The following ATPAF2 variants were observed in gnomAD, a reference collection of about 807,000 sequenced individuals.
ATPAF2 encodes the protein ATP12 homolog.
A neutral mutation model predicts 36.6 loss-of-function variants in ATPAF2; 30 were observed. The observed-to-expected ratio is 0.82, with a 90% CI of 0.61 to 1.11. The LOEUF is 1.11. Among genes scored for constraint, ATPAF2 ranks in the 50% most tolerant of loss-of-function variants. The pLI, the probability that ATPAF2 is intolerant of heterozygous loss-of-function variation, is 0.00. For synonymous variants in ATPAF2, 140 were observed against 152.6 expected (o/e 0.92, Z 0.61); for missense variants, 321 against 372.3 (o/e 0.86, Z 1.13).
At position 18,038,946 on chromosome 17, in the gene ATPAF2, G is replaced by A. The variant is rs1186018020; in HGVS notation, c.68C>T (p.Pro23Leu). ...RRLLNRPAGGPSASMSPGPTI... is the reference protein window; with the variant it reads ...RRLLNRPAGGLSASMSPGPTI... ...TGGCCCCGGACTCATAGAAGCGCTG[G>A]GGCCACCCGCCGGCCGATTCAGGAG... The change falls in exon 1 of 8, where the codon CCC (proline) becomes CTC (leucine). Residue 23 changes from proline to leucine, a missense_variant. Physicochemically the swap from Pro to Leu is moderately conservative, Grantham distance 98. Around this residue, in one of 3 missense-constraint regions of ATPAF2, gnomAD observed 69 missense variants for 60.1 expected, o/e 1.15. Coordinates refer to ENST00000474627, the MANE Select transcript of ATPAF2 (RefSeq NM_145691.4). 1.2e-6 allele frequency: 2 copies of A among 1,600,932 alleles called. No individual in the cohort carries two copies. Among genetic ancestry groups the A allele is most frequent in the African/African-American group, 2.7e-5 (2 of 74,654 alleles).
Position 18,030,041 on chromosome 17 carries a change from C to T in ATPAF2, c.134-1382G>A, listed in dbSNP as rs1422586032. Among the ~76,000 whole-genome samples, 8 of 151,718 alleles carry T rather than the reference C, an allele frequency of 5.3e-5. No homozygotes were observed. In the East Asian group the frequency reaches 1.6e-3, roughly 29 times the overall value. On this transcript the variant is annotated intron_variant, in intron 1 of 7. Coordinates refer to ENST00000474627, the MANE Select transcript of ATPAF2 (RefSeq NM_145691.4). ...CTCTACAAAAAATACAAAAATGAGG[C>T]CGGGCGCAGTGGCTCACGCCTGTAA... is the stretch of plus-strand genomic sequence containing the variant.
chr17:18,024,557 CCT>C (rs2044516691), intron 5 of ATPAF2, 65 bp downstream of exon 5: 1 of 1,377,478 alleles, frequency 7.3e-7, no homozygotes, highest in South Asian at 1.2e-5. Flanking sequence ...AGCGTGACCC[CCT>C]GACCCCTACA....
chr17:18,022,910 G>A (rs1470909208), intron 5 of ATPAF2, among the ~76,000 whole-genome samples: 1 of 151,880 alleles, frequency 6.6e-6, no homozygotes, highest in Non-Finnish European at 1.5e-5. Flanking sequence ...CGGATCACGA[G>A]GTCAGGAGAT....
chr17:18,015,206 A>T (rs1341783056), downstream of ATPAF2: 2 of 152,220 alleles, frequency 1.3e-5, no homozygotes, highest in Admixed American at 1.3e-4. Context: ...AGAAATATTA[A>T]CATCTTAAGA....
intron 3 of ATPAF2, chr17:18,026,721 C>A (rs954066249): frequency 3.6e-5 from 17 of 478,622 alleles, no homozygotes; most frequent in African/African-American, 2.9e-4. Flanking sequence ...TTAATTTAAT[C>A]CTCACAACAA....
chr17:18,038,813 C>T, intron 1 of ATPAF2, 68 bp downstream of exon 1: 3 of 1,600,668 alleles, frequency 1.9e-6, no homozygotes, highest in Non-Finnish European at 2.6e-6. Context: ...TCGCTTTGCA[C>T]AGCCGAAGCC....
downstream of ATPAF2, chr17:18,016,609 C>G: frequency 6.2e-7 from 1 of 1,613,884 alleles, no homozygotes; most frequent in Admixed American, 1.7e-5. Context: ...GGAGATCAAT[C>G]AGTACATCGA....
intron 7 of ATPAF2, chr17:18,020,921 A>G: frequency 7.4e-7 from 1 of 1,349,112 alleles, no homozygotes; most frequent in Admixed American, 3.0e-5. Flanking sequence ...TCAGCCACCC[A>G]AAGTGCTGGG....
intron 2 of ATPAF2, 60 bp downstream of exon 2, chr17:18,028,555 G>A (rs893770983): frequency 1.4e-6 from 2 of 1,432,836 alleles, no homozygotes; most frequent in Admixed American, 3.8e-5. Flanking sequence ...GATGAAAAAT[G>A]TTCCCAACCA....
At chr17:18,025,933 G>A in intron 4 of ATPAF2, 1 of 343,674 alleles carries the variant, frequency 2.9e-6, no homozygotes, top group Non-Finnish European at 5.6e-6. Flanking sequence ...CAGAACTGGA[G>A]AAGGACACTC....
At chr17:18,022,853 C>T (rs1328235641) in intron 5 of ATPAF2, among the ~76,000 whole-genome samples, 3 of 151,952 alleles carry the variant, frequency 2.0e-5, no homozygotes, top group Non-Finnish European at 4.4e-5. Flanking sequence ...GGGCCGGGCG[C>T]GGTGGCTCAT....
At chr17:18,020,783 A>G (rs184291076) in intron 7 of ATPAF2, 19 of 252,964 alleles carry the variant, frequency 7.5e-5, no homozygotes, top group Middle Eastern at 1.6e-3. Flanking sequence ...GGTTCAAGCA[A>G]TCCTCCCACG....
chr17:18,034,309 G>A (rs1396505857), intron 1 of ATPAF2, among the ~76,000 whole-genome samples: 1 of 151,824 alleles, frequency 6.6e-6, no homozygotes, highest in Non-Finnish European at 1.5e-5. Flanking sequence ...GGAGGCTGAG[G>A]TGTGAGGCTC....
chr17:18,028,718 C>A (rs569814165), intron 1 of ATPAF2, 59 bp from the exon 2 acceptor site: 3 of 1,475,936 alleles, frequency 2.0e-6, no homozygotes, highest in Non-Finnish European at 2.8e-6. Flanking sequence ...ACTCAGGAAG[C>A]GACAGGACCA....
At chr17:18,017,215 T>C (rs936366520), downstream of ATPAF2, among the ~76,000 whole-genome samples, 6 of 132,182 alleles carry the variant, frequency 4.5e-5, no homozygotes, top group Non-Finnish European at 7.8e-5. Flanking sequence ...AAAATGTTCA[T>C]GTAGGAACAA....
At chr17:18,019,756 C>A (rs568429880) in intron 7 of ATPAF2, among the ~76,000 whole-genome samples, 45 of 152,382 alleles carry the variant, frequency 3.0e-4, no homozygotes, top group African/African-American at 6.5e-4. Context: ...GCTATTTGAA[C>A]TTCTGGGCTG....
chr17:18,038,896 A>C lies in ATPAF2; in HGVS notation c.118T>G (p.Tyr40Asp), dbSNP rs1437040453. ...GPTIPSPARA[Y>D]APPTERKRFY... Reference sequence around the variant, plus strand: ...ATGGTCTTACCTGTCGGCGGGGCGTAAGCCCGGGCTGGAGACGGGATGGTT... The same window carrying C: ...ATGGTCTTACCTGTCGGCGGGGCGTCAGCCCGGGCTGGAGACGGGATGGTT... The change falls in exon 1 of 8, where the codon TAC (tyrosine) becomes GAC (aspartate). Residue 40 changes from tyrosine (Y) to aspartate (D), a missense_variant. Tyr to Asp is a radical substitution (Grantham distance 160). Around this residue, in one of 3 missense-constraint regions of ATPAF2, gnomAD observed 69 missense variants for 60.1 expected, o/e 1.15. Transcript: ENST00000474627. 9.9e-6 allele frequency: 16 copies of C among 1,613,854 alleles called. No individual in the cohort carries two copies. Among genetic ancestry groups the C allele is most frequent in the Non-Finnish European group, 1.3e-5 (15 of 1,179,874 alleles).
Position 18,038,998 on chromosome 17 carries a change from G to A in ATPAF2, c.16C>T (p.Leu6Phe), listed in dbSNP as rs2044750408. The A allele has an allele frequency of 6.2e-7, 1 of 1,608,808 alleles. No homozygotes were observed. Among genetic ancestry groups the A allele is most frequent in the Non-Finnish European group, 8.5e-7 (1 of 1,177,528 alleles). The stretch of plus-strand genomic sequence containing the variant: ...CGGCGTCCCCCGTCCCGCAGCCGGA[G>A]GCAGCTCCTCCACATCGCGCCCGAG... MWRSCLRLRDGGRRLL... is the reference protein window; with the variant it reads MWRSCFRLRDGGRRLL... Residue 6 changes from leucine to phenylalanine, a missense_variant, in exon 1 of 8, where the codon CTC becomes TTC. Around this residue, in one of 3 missense-constraint regions of ATPAF2, gnomAD observed 69 missense variants for 60.1 expected, o/e 1.15. Transcript: ENST00000474627.
At chr17:18,021,432 A>G in intron 6 of ATPAF2, 194 bp from the exon 7 acceptor site, 1 of 660,144 alleles carries the variant, frequency 1.5e-6, no homozygotes, top group East Asian at 2.7e-5. Context: ...CTAGTGAGAC[A>G]CATGACCCGA....
Sources: gnomAD v4.1 joint callset for allele counts (sites outside exome capture counted in the v4.1 genomes callset) on GRCh38, gnomAD v4.1.1 for gene constraint, gnomAD v4.1.1 regional missense constraint, MANE v1.5 for transcripts, NCBI Gene and HGNC (gene_info 2026-07-23, HGNC 2026-07-21) for gene names.